FAM135A: variants seen among roughly 807,000 people sequenced by gnomAD.
The protein encoded by FAM135A is family with sequence similarity 135 member A.
In FAM135A, 79 loss-of-function variants were observed where a neutral mutation model predicts 146.8. The observed-to-expected ratio is 0.54, with a 90% CI of 0.45 to 0.65. FAM135A has a LOEUF of 0.65. Among genes scored for constraint, FAM135A ranks in the 30% least tolerant of loss-of-function variants. The pLI is 0.00. For missense variants in FAM135A, 1,623 were observed against 1,758.2 expected, an observed-to-expected ratio of 0.92 and a Z score of 1.38; for synonymous variants, 562 against 603.6, an observed-to-expected ratio of 0.93 and a Z score of 1.01.
At chr6:70,467,662 GCTTT>G (rs1364631041) in intron 5 of FAM135A, among the ~76,000 whole-genome samples, 5 of 151,150 alleles carry the variant, frequency 3.3e-5, no homozygotes, top group Non-Finnish European at 7.4e-5. Flanking sequence ...TTGCTTTTGT[GCTTT>G]CTATCTTTTA....
At chr6:70,478,110 C>T (rs12526787) in intron 8 of FAM135A, among the ~76,000 whole-genome samples, 19,180 of 152,006 alleles carry the variant, frequency 0.13, 1,486 homozygotes, top group Middle Eastern at 0.19. Flanking sequence ...ACTTGCTTTC[C>T]AAGTCATTAA....
intron 10 of FAM135A, among the ~76,000 whole-genome samples, chr6:70,484,152 A>G (rs1262115003): frequency 6.6e-6 from 1 of 152,160 alleles, no homozygotes; most frequent in Non-Finnish European, 1.5e-5. Flanking sequence ...CCCTGCCTTT[A>G]AAGAACTTTG....
intron 2 of FAM135A, chr6:70,417,444 C>T (rs193115732): frequency 9.6e-6 from 2 of 208,700 alleles, no homozygotes; most frequent in Admixed American, 1.3e-4. Flanking sequence ...AACTCCTGGC[C>T]TCAAGTGATT....
At chr6:70,419,938 G>A (rs542423053) in intron 2 of FAM135A, among the ~76,000 whole-genome samples, 109 of 152,224 alleles carry the variant, frequency 7.2e-4, no homozygotes, top group Middle Eastern at 6.8e-3. Flanking sequence ...TGATATATTC[G>A]TTGCTAACAT....
At chr6:70,474,712 G>T (rs895061035) in intron 5 of FAM135A, among the ~76,000 whole-genome samples, 4 of 152,150 alleles carry the variant, frequency 2.6e-5, no homozygotes, top group African/African-American at 7.2e-5. Context: ...CATCCAGTAT[G>T]TGATGATATG....
chr6:70,541,196 T>TAAC (rs1425006912), intron 20 of FAM135A, among the ~76,000 whole-genome samples: 1 of 152,154 alleles, frequency 6.6e-6, no homozygotes, highest in Non-Finnish European at 1.5e-5. Context: ...TCTTCCATCT[T>TAAC]AATAATAATA....
chr6:70,486,321 A>G, intron 10 of FAM135A: 3 of 1,194,712 alleles, frequency 2.5e-6, no homozygotes, highest in Non-Finnish European at 3.7e-6. Flanking sequence ...TTAGCATCAG[A>G]TTTCATAAAT....
intron 20 of FAM135A, among the ~76,000 whole-genome samples, chr6:70,552,528 G>C (rs2128490235): frequency 6.7e-6 from 1 of 149,808 alleles, no homozygotes; most frequent in East Asian, 2.0e-4. Flanking sequence ...GAGTACAGTG[G>C]CGTGATCTTG....
intron 5 of FAM135A, among the ~76,000 whole-genome samples, chr6:70,454,876 T>C (rs1188927360): frequency 6.6e-6 from 1 of 152,194 alleles, no homozygotes; most frequent in African/African-American, 2.4e-5. Context: ...CGTCTCCAGC[T>C]TTGTTCTTTT....
chr6:70,526,216 T>G lies in FAM135A; in HGVS notation c.3132T>G (p.Gly1044=), dbSNP rs1289440258. ...AAGGGCTTGTGGAAAATTATTTTGGTTCTCAAAGCAGTACGGATATTTCTG... is the reference window on the plus strand; with the variant it reads ...AAGGGCTTGTGGAAAATTATTTTGGGTCTCAAAGCAGTACGGATATTTCTG... The part of the protein sequence containing the change: ...VKQGLVENYF[G]SQSSTDISDT... Residue 1044 remains glycine (G), a synonymous_variant, in exon 15 of 22, where the codon GGT becomes GGG. Transcript: ENST00000418814. 6.2e-7 allele frequency: 1 copy of G among 1,613,202 alleles called. No individual in the cohort carries two copies. The highest frequency in any genetic ancestry group is 1.1e-5 in the South Asian group (1 of 90,994).
chr6:70,549,255 A>G lies in FAM135A; in HGVS notation c.4229-7495A>G, dbSNP rs1400750287. Among the ~76,000 whole-genome samples the G allele has an allele frequency of 9.9e-5, 15 of 152,238 alleles. No homozygotes were observed. In the East Asian group the frequency reaches 2.9e-3, roughly 29 times the overall value. The stretch of plus-strand genomic sequence containing the variant: ...GGAATCGACATAAATGTCCTTTGCT[A>G]GGGAAATAGGAGACATACTAAAAGT... On this transcript the variant is annotated intron_variant, in intron 20 of 21. Transcript: ENST00000418814.
chr6:70,499,832 T>G (rs1788087930), intron 11 of FAM135A, among the ~76,000 whole-genome samples: 1 of 152,246 alleles, frequency 6.6e-6, no homozygotes, highest in African/African-American at 2.4e-5. Context: ...GTAGGATTTC[T>G]GCAGAGAGCT....
At chr6:70,441,989 A>C (rs967414717) in intron 4 of FAM135A, among the ~76,000 whole-genome samples, 7 of 152,118 alleles carry the variant, frequency 4.6e-5, no homozygotes, top group Non-Finnish European at 8.8e-5. Flanking sequence ...CACCACAAAT[A>C]CATTTTTATA....
Position 70,452,472 on chromosome 6 carries a change from C to T in FAM135A, c.78-20C>T, listed in dbSNP as rs1434716724. On this transcript the variant is annotated intron_variant, in intron 4 of 21. Coordinates refer to ENST00000418814, the MANE Select transcript of FAM135A (RefSeq NM_001162529.3). The stretch of plus-strand genomic sequence containing the variant: ...TTTTAAATATGTTTTGAAATAACTT[C>T]CTTGTTTATTTTGCTTTAGTTTTTA... The T allele has an allele frequency of 6.4e-7, 1 of 1,558,568 alleles. No individual in the cohort carries two copies.
Position 70,524,903 on chromosome 6 carries a change from A to G in FAM135A, c.1819A>G (p.Asn607Asp). The change falls in exon 15 of 22, where the codon AAT becomes GAT. Residue 607 changes from asparagine (N) to aspartate (D), a missense_variant. By Grantham distance (23) the Asn-to-Asp change is conservative. Transcript: ENST00000418814. ...QFDPLNSGNL[N>D]LCANLSISGK... ...TGATCCTTTGAACTCTGGCAACCTA[A>G]ATCTTTGTGCAAATTTGTCCATTTC... 2.5e-6 allele frequency: 4 copies of G among 1,612,784 alleles called. No homozygotes were observed. Among genetic ancestry groups the G allele is most frequent in the Non-Finnish European group, 3.4e-6 (4 of 1,179,530 alleles).
intron 20 of FAM135A, among the ~76,000 whole-genome samples, chr6:70,542,393 ACCT>A (rs1466197541): frequency 5.3e-5 from 8 of 151,542 alleles, no homozygotes; most frequent in African/African-American, 1.5e-4. Flanking sequence ...TGTGTTTTGT[ACCT>A]CCTCATGTGT....
rs547567414 is a variant in FAM135A at position 70,553,220 on chromosome 6, G to C, written c.4229-3530G>C. 6.4e-4 allele frequency among the ~76,000 whole-genome samples: 97 copies of C among 152,252 alleles called. 1 individual carries two copies. Among genetic ancestry groups the C allele is most frequent in the Middle Eastern group, 3.4e-3 (1 of 294 alleles). On this transcript the variant is annotated intron_variant, in intron 20 of 21. Coordinates refer to ENST00000418814, the MANE Select transcript of FAM135A (RefSeq NM_001162529.3). ...CCCAGTCATCTGAGAAAGCTAACCA[G>C]ATCAGTTTCTGGACCCACCTATAAC...
intron 12 of FAM135A, among the ~76,000 whole-genome samples, chr6:70,511,492 A>G (rs1008092941): frequency 1.2e-4 from 18 of 151,850 alleles, no homozygotes; most frequent in Admixed American, 1.1e-3. Context: ...GGGGAGAGAA[A>G]AGGATTTCTA....
At chr6:70,457,870 T>C (rs1778668669) in intron 5 of FAM135A, among the ~76,000 whole-genome samples, 1 of 152,118 alleles carries the variant, frequency 6.6e-6, no homozygotes, top group African/African-American at 2.4e-5. Flanking sequence ...CCTGGGTACT[T>C]AATTTTTTTT....
Sources: allele counts gnomAD v4.1 joint callset (sites outside exome capture counted in the v4.1 genomes callset), GRCh38; gene constraint gnomAD v4.1.1; transcripts MANE v1.5; gene names NCBI Gene and HGNC (gene_info 2026-07-23, HGNC 2026-07-21).